The following PCF11 variants were observed in gnomAD, a reference collection of about 807,000 sequenced individuals.
PCF11 encodes the protein PCF11 cleavage and polyadenylation factor subunit, also known as pre-mRNA cleavage complex 2 protein Pcf11.
Under a neutral mutation model 166.1 loss-of-function variants are expected in PCF11, and 19 were observed. The ratio of observed to expected loss-of-function variants is 0.11; its 90% CI spans 0.08 to 0.17. PCF11 has a LOEUF of 0.17. Ranked by LOEUF, PCF11 falls within the 10% of genes least tolerant of loss-of-function variation. The probability of loss-of-function intolerance (pLI) is 1.00; values close to 1 mark genes in which losing one functional copy is unlikely to be tolerated. For missense variants in PCF11, 1,565 were observed against 1,855.5 expected, an observed-to-expected ratio of 0.84 and a Z score of 2.88; for synonymous variants, 663 against 644.1, an observed-to-expected ratio of 1.03 and a Z score of -0.44.
chr11:83,164,197 TTTC>T lies in PCF11; in HGVS notation c.508-7_508-5del. On this transcript the variant is annotated splice_region_variant and splice_polypyrimidine_tract_variant and intron_variant, in intron 3 of 15. Transcript: ENST00000298281. ...TACGTTTTTCTTAAACAAATTGTCT[TTTC>T]TTATAGCCCGAGGAGCCTTCAACAC... The T allele has an allele frequency of 6.3e-7, 1 of 1,583,114 alleles. No individual in the cohort carries two copies. The highest frequency in any genetic ancestry group is 1.4e-5 in the African/African-American group (1 of 73,156).
exon 3 of PCF11, chr11:83,163,849 T>C: frequency 6.6e-7 from 1 of 1,514,178 alleles, no homozygotes; most frequent in East Asian, 2.4e-5. Flanking sequence ...ATGTGAATCC[T>C]AAATTTTTAA....
At chr11:83,184,566 A>C in intron 15 of PCF11, 113 bp from the exon 16 acceptor site, 1 of 696,574 alleles carries the variant, frequency 1.4e-6, no homozygotes, top group Non-Finnish European at 2.4e-6. Flanking sequence ...TTTCATTTGC[A>C]TTTGGTTGTA....
At position 83,167,023 on chromosome 11, in the gene PCF11, A is replaced by G. The variant is rs1318155817; in HGVS notation, c.1818-102A>G. On this transcript the variant is annotated intron_variant, in intron 5 of 15. Coordinates refer to ENST00000298281, the Ensembl canonical transcript of PCF11. This position sits in a 1 kb window ranked among gnomAD's most constrained non-coding sequence, Gnocchi z 4.2. ...ATTTAATTACTTTTTGTGGTTACAT[A>G]TGCCCATTTTAACCATATCCTTTGA... 1.1e-6 allele frequency: 1 copy of G among 904,936 alleles called. No individual in the cohort carries two copies. Among genetic ancestry groups the G allele is most frequent in the African/African-American group, 1.7e-5 (1 of 60,130 alleles). The allele number at this position is 904,936 out of a possible 1,614,324, so 56.1% of individuals were successfully genotyped here.
At chr11:83,186,735 T>A (rs79823488) in exon 16 of PCF11, 1 of 152,196 alleles carries the variant, frequency 6.6e-6, no homozygotes, top group African/African-American at 2.4e-5. Flanking sequence ...CTGGTAGCCA[T>A]TGGATTTGAG....
At chr11:83,168,366 C>A (rs1860547313) in intron 7 of PCF11, 62 bp from the exon 8 acceptor site, 3 of 1,388,168 alleles carry the variant, frequency 2.2e-6, no homozygotes, top group Admixed American at 5.2e-5. Context: ...GATAAACATT[C>A]ATACGAAAAT....
intron 11 of PCF11, chr11:83,180,384 CTATT>C (rs1321884328): frequency 6.7e-6 from 1 of 149,302 alleles, no homozygotes; most frequent in Non-Finnish European, 1.5e-5. Context: ...CTGTGCCCGG[CTATT>C]TTTTTTTTTT....
intron 8 of PCF11, among the ~76,000 whole-genome samples, chr11:83,170,694 A>G (rs1467155017): frequency 6.6e-6 from 1 of 152,202 alleles, no homozygotes; most frequent in African/African-American, 2.4e-5. Flanking sequence ...TTGGTTTTGA[A>G]TGACTACTTT....
chr11:83,169,371 T>C, exon 8 of PCF11: 1 of 1,613,810 alleles, frequency 6.2e-7, no homozygotes, highest in South Asian at 1.1e-5. Context: ...AGGGTCCTTC[T>C]GTACCAGGAG....
At chr11:83,157,133 A>C (rs1470038817) in exon 1 of PCF11, 1 of 517,902 alleles carries the variant, frequency 1.9e-6, no homozygotes, top group African/African-American at 1.9e-5. Context: ...TTCATTTCGC[A>C]CGACGCAGCG....
At chr11:83,187,230 A>C (rs11233514) in exon 16 of PCF11, 3,225 of 152,156 alleles carry the variant, frequency 0.021, 92 homozygotes, top group African/African-American at 0.072. Context: ...GCTAATTTTT[A>C]TATTTTGAGT....
chr11:83,179,008 C>G (rs61900267), intron 11 of PCF11, among the ~76,000 whole-genome samples: 2 of 151,818 alleles, frequency 1.3e-5, no homozygotes, highest in Non-Finnish European at 2.9e-5. Context: ...TGAATAAATT[C>G]ATTAATCCTG....
intron 9 of PCF11, among the ~76,000 whole-genome samples, chr11:83,173,434 ACAGAGTGAGACTCCGTCT>A (rs1860757530): frequency 6.6e-6 from 1 of 151,928 alleles, no homozygotes; most frequent in Admixed American, 6.6e-5. Context: ...AGGCCTGGTG[ACAGAGTGAGACTCCGTCT>A]CAGAAAAAAA....
intron 10 of PCF11, 149 bp downstream of exon 10, chr11:83,177,353 T>TTTCG: frequency 1.5e-6 from 1 of 645,570 alleles, no homozygotes; most frequent in African/African-American, 1.9e-5. Context: ...CGGTTTATAA[T>TTTCG]GAAATTCTTT....
At chr11:83,179,230 ATT>A (rs1258147335) in intron 11 of PCF11, among the ~76,000 whole-genome samples, 1 of 150,352 alleles carries the variant, frequency 6.7e-6, no homozygotes, top group Admixed American at 6.6e-5. Flanking sequence ...TTTTCAAACT[ATT>A]TTTTCTGCCA....
chr11:83,171,194 A>T, intron 8 of PCF11: 1 of 401,936 alleles, frequency 2.5e-6, no homozygotes, highest in South Asian at 1.8e-5. Flanking sequence ...CTGTTTTTTA[A>T]CATTCCCTTT....
Position 83,167,377 on chromosome 11 carries a change from T to C in PCF11, c.2002-38T>C, listed in dbSNP as rs1860505362. 2 of 1,515,624 alleles carry C rather than the reference T, an allele frequency of 1.3e-6. No individual in the cohort carries two copies. Among genetic ancestry groups the C allele is most frequent in the Admixed American group, 4.6e-5 (2 of 43,934 alleles). 93.9% of individuals were successfully genotyped at this position (1,515,624 alleles called of 1,614,324 possible). On this transcript the variant is annotated intron_variant, in intron 6 of 15. Transcript: ENST00000298281. The surrounding 1 kb of genome is among the most constrained non-coding windows in gnomAD (Gnocchi z 4.2). ...TCTATTTTTTTGGTATTTTTTTATA[T>C]TTAAAATATTTTATTTCCTTTTATC...
rs753046778 is a variant in PCF11 at position 83,177,859 on chromosome 11, C to CT, written c.3983+43dup. On this transcript the variant is annotated intron_variant, in intron 11 of 15. Transcript: ENST00000298281. ...TTTCTTTAAGATAAAGAGGCAGTGACTTTAATAACACTGTTATAGTGGACA... is the reference window on the plus strand; with the variant it reads ...TTTCTTTAAGATAAAGAGGCAGTGACTTTTAATAACACTGTTATAGTGGACA... The CT allele has an allele frequency of 1.7e-5, 15 of 889,748 alleles. No homozygotes were observed. The African/African-American group carries it at 2.5e-4, about 15-fold the overall frequency. The allele number at this position is 889,748 out of a possible 1,614,324, so 55.1% of individuals were successfully genotyped here.
At chr11:83,166,972 T>G (rs182683912) in intron 5 of PCF11, among the ~76,000 whole-genome samples, 153 bp from the exon 6 acceptor site, 1 of 152,318 alleles carries the variant, frequency 6.6e-6, no homozygotes, top group African/African-American at 2.4e-5. Flanking sequence ...TTTTGCTGAT[T>G]TCATATTTTG....
intron 8 of PCF11, among the ~76,000 whole-genome samples, chr11:83,170,253 C>G (rs1403024776): frequency 6.6e-6 from 1 of 151,970 alleles, no homozygotes; most frequent in South Asian, 2.1e-4. Flanking sequence ...TCTGTTTTTT[C>G]TTTTTCCTTT....
Sources: allele counts gnomAD v4.1 joint callset (sites outside exome capture counted in the v4.1 genomes callset), GRCh38; gene constraint gnomAD v4.1.1; non-coding constraint Gnocchi (gnomAD v3.1); transcripts MANE v1.5; gene names NCBI Gene and HGNC (gene_info 2026-07-23, HGNC 2026-07-21).